The following MANBA variants were observed in gnomAD, a reference collection of about 807,000 sequenced individuals.
The protein encoded by MANBA is beta-mannosidase.
Under a neutral mutation model 111.1 loss-of-function variants are expected in MANBA, and 83 were observed. The ratio of observed to expected loss-of-function variants is 0.75; its 90% CI spans 0.63 to 0.90. MANBA has a LOEUF of 0.90. MANBA is among the 40% of genes least tolerant of loss of function. The pLI is 0.00. For synonymous variants in MANBA, 370 were observed against 378.7 expected (o/e 0.98, Z 0.27); for missense variants, 1,036 against 1,069.0 (o/e 0.97, Z 0.43).
chr4:102,720,825 C>T (rs1722536252), intron 4 of MANBA, among the ~76,000 whole-genome samples: 2 of 152,060 alleles, frequency 1.3e-5, no homozygotes, highest in Admixed American at 6.5e-5. Flanking sequence ...GTCATTGACA[C>T]AAGTTTAGGT....
Position 102,689,576 on chromosome 4 carries a change from T to C in MANBA, c.958A>G (p.Lys320Glu), listed in dbSNP as rs762022977. ...DGGLNIEKSA[K>E]VYFRTVELIE... Reference sequence around the variant, plus strand: ...AATATTTTAAATTACTTACTTACCTTAGCTGATTTTTCAATATTTAAGCCT... The same window carrying C: ...AATATTTTAAATTACTTACTTACCTCAGCTGATTTTTCAATATTTAAGCCT... Residue 320 changes from lysine to glutamate, a missense_variant and splice_region_variant, in exon 7 of 17, where the codon AAG becomes GAG. By Grantham distance (56) the Lys-to-Glu change is moderately conservative (BLOSUM62 1). Transcript: ENST00000647097. 6 of 1,545,204 alleles carry C rather than the reference T, an allele frequency of 3.9e-6. No homozygotes were observed. The highest frequency in any genetic ancestry group is 5.4e-6 in the Non-Finnish European group (6 of 1,120,194).
chr4:102,698,348 C>A (rs1732836181), intron 5 of MANBA, among the ~76,000 whole-genome samples: 1 of 151,018 alleles, frequency 6.6e-6, no homozygotes, highest in South Asian at 2.1e-4. Context: ...TGTGCAGAAG[C>A]TCTTTAGTTT....
intron 5 of MANBA, among the ~76,000 whole-genome samples, chr4:102,703,537 G>A (rs1733158528): frequency 6.6e-6 from 1 of 152,150 alleles, no homozygotes; most frequent in Non-Finnish European, 1.5e-5. Flanking sequence ...CTGGCTCCAA[G>A]AGTCTGAACC....
At chr4:102,647,079 A>G (rs1730136819) in intron 13 of MANBA, among the ~76,000 whole-genome samples, 1 of 151,888 alleles carries the variant, frequency 6.6e-6, no homozygotes, top group Non-Finnish European at 1.5e-5. Context: ...GGAACAGAGA[A>G]GGGTTTTATT....
chr4:102,675,218 T>A (rs1275497302), intron 7 of MANBA, among the ~76,000 whole-genome samples: 2 of 152,220 alleles, frequency 1.3e-5, no homozygotes, highest in African/African-American at 2.4e-5. Flanking sequence ...ACTGTCAGTG[T>A]GTCCTTGACT....
intron 1 of MANBA, chr4:102,754,123 T>C: frequency 4.5e-6 from 1 of 220,768 alleles, no homozygotes; most frequent in Non-Finnish European, 9.5e-6. Context: ...TATTTGACCT[T>C]ACTAGAAAAT....
intron 5 of MANBA, among the ~76,000 whole-genome samples, chr4:102,710,542 T>A (rs965101814): frequency 6.6e-5 from 10 of 152,060 alleles, no homozygotes; most frequent in African/African-American, 2.4e-4. Context: ...CATCCCATGC[T>A]CATGGGTTGG....
intron 5 of MANBA, among the ~76,000 whole-genome samples, chr4:102,705,686 G>A (rs1733265348): frequency 6.6e-6 from 1 of 152,132 alleles, no homozygotes; most frequent in Non-Finnish European, 1.5e-5. Context: ...TTCCACCAGT[G>A]GTCTGGATAT....
At chr4:102,649,762 T>C (rs1036768402) in intron 13 of MANBA, among the ~76,000 whole-genome samples, 5 of 152,178 alleles carry the variant, frequency 3.3e-5, no homozygotes, top group Admixed American at 6.5e-5. Flanking sequence ...AATTTATCAA[T>C]ACTTTCTTTT....
intron 7 of MANBA, among the ~76,000 whole-genome samples, chr4:102,682,300 C>T (rs1732023571): frequency 6.6e-6 from 1 of 152,020 alleles, no homozygotes; most frequent in African/African-American, 2.4e-5. Flanking sequence ...CTTAGACCAA[C>T]ATATGATTGG....
intron 1 of MANBA, chr4:102,752,048 C>A: frequency 1.3e-6 from 1 of 752,886 alleles, no homozygotes; most frequent in South Asian, 1.4e-5. Flanking sequence ...AAGATCTGGT[C>A]TACAGTCCCT....
chr4:102,693,898 T>C (rs1732593179), intron 5 of MANBA, among the ~76,000 whole-genome samples: 1 of 152,212 alleles, frequency 6.6e-6, no homozygotes, highest in Non-Finnish European at 1.5e-5. Flanking sequence ...GGCTTGGCTA[T>C]TGTAAAGACT....
At chr4:102,698,400 CTTTTGGTGTTTT>C (rs1732840359) in intron 5 of MANBA, among the ~76,000 whole-genome samples, 1 of 150,020 alleles carries the variant, frequency 6.7e-6, no homozygotes, top group Admixed American at 6.6e-5. Context: ...GTTGCCATTG[CTTTTGGTGTTTT>C]AGACATGAAG....
intron 16 of MANBA, chr4:102,633,575 A>C (rs539710458): frequency 1.8e-4 from 72 of 397,324 alleles, no homozygotes; most frequent in African/African-American, 1.4e-3. Context: ...ATTAACTAAC[A>C]GTATTATTAC....
Position 102,714,514 on chromosome 4 carries a change from C to T in MANBA, c.597G>A (p.Gln199=), listed in dbSNP as rs1213852355. Residue 199 remains glutamine, a synonymous_variant, in exon 5 of 17, where the codon CAG becomes CAA. Transcript: ENST00000647097. The part of the protein sequence containing the change: ...SWDWGPSFPT[Q]GIWKDVRIEA... ...CAATTCTAACATCTTTCCAGATTCC[C>T]TGGGTAGGAAAGGAAGGCCCCCAGT... 8.1e-6 allele frequency: 13 copies of T among 1,606,894 alleles called. No individual in the cohort carries two copies. The highest frequency in any genetic ancestry group is 1.1e-5 in the Non-Finnish European group (13 of 1,173,466).
intron 1 of MANBA, chr4:102,734,243 A>G (rs1723128270): frequency 2.0e-6 from 2 of 1,004,578 alleles, no homozygotes; most frequent in Non-Finnish European, 2.9e-6. Context: ...TTTCTGTTCA[A>G]TTTTGCTGTA....
chr4:102,718,274 C>T (rs1240776493), intron 4 of MANBA, among the ~76,000 whole-genome samples: 4 of 152,090 alleles, frequency 2.6e-5, no homozygotes, highest in Non-Finnish European at 4.4e-5. Flanking sequence ...GCTTTAGGTC[C>T]CTGTGAATCA....
intron 1 of MANBA, among the ~76,000 whole-genome samples, chr4:102,754,764 G>A (rs1723943965): frequency 6.6e-6 from 1 of 152,056 alleles, no homozygotes; most frequent in Admixed American, 6.5e-5. Flanking sequence ...CACCGTATTA[G>A]CCAGGATGGT....
intron 1 of MANBA, among the ~76,000 whole-genome samples, 189 bp from the exon 2 acceptor site, chr4:102,726,872 T>C (rs1722829661): frequency 6.6e-6 from 1 of 152,176 alleles, no homozygotes; most frequent in Non-Finnish European, 1.5e-5. Context: ...TCCAACAAAT[T>C]ACCTGAAATG....
Sources: allele counts gnomAD v4.1 joint callset (sites outside exome capture counted in the v4.1 genomes callset), GRCh38; gene constraint gnomAD v4.1.1; transcripts MANE v1.5; gene names NCBI Gene and HGNC (gene_info 2026-07-23, HGNC 2026-07-21).